The following NHEJ1 variants were observed in gnomAD, a reference collection of about 807,000 sequenced individuals.
NHEJ1 encodes the protein non-homologous end joining factor 1.
A neutral mutation model predicts 39.4 loss-of-function variants in NHEJ1; 22 were observed. The observed-to-expected ratio is 0.56, with a 90% CI of 0.40 to 0.80. The LOEUF is 0.80. Among genes scored for constraint, NHEJ1 ranks in the 30% least tolerant of loss-of-function variants. The probability of loss-of-function intolerance (pLI) is 0.00; values close to 1 mark genes in which losing one functional copy is unlikely to be tolerated. For synonymous variants in NHEJ1, 154 were observed against 135.6 expected, an observed-to-expected ratio of 1.14 and a Z score of -0.94; for missense variants, 329 against 357.1, an observed-to-expected ratio of 0.92 and a Z score of 0.63.
chr2:219,148,070 C>A (rs547713077), intron 3 of NHEJ1, among the ~76,000 whole-genome samples: 1 of 152,292 alleles, frequency 6.6e-6, no homozygotes, highest in Admixed American at 6.5e-5. Context: ...ACAAGCACGG[C>A]CAACATGGCC....
At chr2:219,089,068 C>T (rs1949137517) in intron 5 of NHEJ1, among the ~76,000 whole-genome samples, 1 of 152,184 alleles carries the variant, frequency 6.6e-6, no homozygotes, top group Non-Finnish European at 1.5e-5. Flanking sequence ...ATCCGCCCGC[C>T]TCAGCCTCCC....
At chr2:219,092,942 T>C (rs1299641736) in intron 5 of NHEJ1, among the ~76,000 whole-genome samples, 1 of 152,226 alleles carries the variant, frequency 6.6e-6, no homozygotes, top group Non-Finnish European at 1.5e-5. Flanking sequence ...CCTGTGCCTA[T>C]TCAGTAAAAC....
intron 5 of NHEJ1, among the ~76,000 whole-genome samples, chr2:219,100,240 C>T (rs144107855): frequency 6.6e-6 from 1 of 152,210 alleles, no homozygotes; most frequent in East Asian, 1.9e-4. Context: ...GTCGACCAAA[C>T]AGATACAAAT....
intron 5 of NHEJ1, chr2:219,095,357 T>C: frequency 4.2e-6 from 2 of 470,770 alleles, no homozygotes; most frequent in Non-Finnish European, 8.8e-6. Flanking sequence ...ATCTTTTAAC[T>C]GAGAGATGAT....
intron 3 of NHEJ1, among the ~76,000 whole-genome samples, chr2:219,151,659 T>C (rs769827001): frequency 3.1e-4 from 47 of 152,240 alleles, no homozygotes; most frequent in Admixed American, 5.9e-4. Flanking sequence ...AGTAGAAATT[T>C]TGAAAATATG....
At chr2:219,155,436 A>T (rs2106367492) in intron 3 of NHEJ1, among the ~76,000 whole-genome samples, 2 of 151,732 alleles carry the variant, frequency 1.3e-5, no homozygotes, top group Non-Finnish European at 2.9e-5. Context: ...TTATTTTTTT[A>T]ATTTTATTTT....
intron 4 of NHEJ1, 106 bp downstream of exon 4, chr2:219,147,551 T>A: frequency 7.2e-7 from 1 of 1,397,226 alleles, no homozygotes; most frequent in East Asian, 2.3e-5. Flanking sequence ...TCAGCACCCA[T>A]CCTGGGGGAG....
At chr2:219,084,813 A>G (rs1310161808) in intron 5 of NHEJ1, among the ~76,000 whole-genome samples, 3 of 152,186 alleles carry the variant, frequency 2.0e-5, no homozygotes, top group African/African-American at 7.2e-5. Flanking sequence ...CAAGAAGCCA[A>G]GGTTTCATCT....
At position 219,076,414 on chromosome 2, in the gene NHEJ1, G is replaced by A. The variant is rs543548047; in HGVS notation, c.867C>T (p.Val289=). 4 of 1,613,980 alleles carry A rather than the reference G, an allele frequency of 2.5e-6. No individual in the cohort carries two copies. The highest frequency in any genetic ancestry group is 3.4e-6 in the Non-Finnish European group (4 of 1,180,032). ...AGAGACCCCTTGGCTTCTTCCTCTT[G>A]ACCTTTGACAGCTGAGGTCTCTGCA... The part of the protein sequence containing the change: ...GPLQRPQLSK[V]KRKKPRGLFS The change falls in exon 8 of 8, where the codon GTC becomes GTT. Residue 289 remains valine (V), a synonymous_variant. Transcript: ENST00000356853.
At chr2:219,086,409 T>A (rs1285616657) in intron 5 of NHEJ1, among the ~76,000 whole-genome samples, 15 of 152,148 alleles carry the variant, frequency 9.9e-5, no homozygotes, top group Admixed American at 9.2e-4. Context: ...CATTTCTCCC[T>A]CCTATCTCCT....
rs573547812 is a variant in NHEJ1 at position 219,155,719 on chromosome 2, G to A, written c.390+1753C>T. On this transcript the variant is annotated intron_variant, in intron 3 of 7. Transcript: ENST00000356853. Reference sequence around the variant, plus strand: ...GAGCGGATCACGAGGTCAGGAAATCGAGACCATCCTGGCTAACACGATGAA... The same window carrying A: ...GAGCGGATCACGAGGTCAGGAAATCAAGACCATCCTGGCTAACACGATGAA... 1.7e-3 allele frequency among the ~76,000 whole-genome samples: 253 copies of A among 151,742 alleles called. 2 individuals carry two copies. Among genetic ancestry groups the A allele is most frequent in the African/African-American group, 5.9e-3 (243 of 41,370 alleles).
intron 5 of NHEJ1, among the ~76,000 whole-genome samples, chr2:219,107,479 G>A (rs1450172472): frequency 2.0e-5 from 3 of 152,206 alleles, no homozygotes; most frequent in African/African-American, 7.2e-5. Flanking sequence ...ACCCAGGGCA[G>A]ATGACAGGAA....
At chr2:219,151,317 C>T (rs1253437442) in intron 3 of NHEJ1, among the ~76,000 whole-genome samples, 2 of 152,082 alleles carry the variant, frequency 1.3e-5, no homozygotes, top group African/African-American at 2.4e-5. Context: ...AATTAATAAC[C>T]AGCTTCCCTC....
At chr2:219,101,707 G>T (rs1370320056) in intron 5 of NHEJ1, among the ~76,000 whole-genome samples, 3 of 138,852 alleles carry the variant, frequency 2.2e-5, no homozygotes, top group Admixed American at 1.4e-4. Flanking sequence ...CACCGCACCC[G>T]AACTACCTCA....
intron 5 of NHEJ1, among the ~76,000 whole-genome samples, chr2:219,103,556 G>A (rs374378082): frequency 2.6e-5 from 4 of 152,280 alleles, no homozygotes; most frequent in South Asian, 4.1e-4. Context: ...GATTACAGGC[G>A]TGAGCCACCA....
chr2:219,128,859 C>T (rs1480267731), intron 5 of NHEJ1, among the ~76,000 whole-genome samples: 1 of 152,226 alleles, frequency 6.6e-6, no homozygotes, highest in Non-Finnish European at 1.5e-5. Flanking sequence ...CAGCCTAGGT[C>T]ACCCTTCAAG....
At chr2:219,104,805 A>T (rs1949299792) in intron 5 of NHEJ1, among the ~76,000 whole-genome samples, 1 of 152,236 alleles carries the variant, frequency 6.6e-6, no homozygotes, top group East Asian at 1.9e-4. Context: ...AGATGTGGTG[A>T]ATATAAAATG....
chr2:219,148,295 T>C (rs1469337933), intron 3 of NHEJ1, among the ~76,000 whole-genome samples: 1 of 152,132 alleles, frequency 6.6e-6, no homozygotes. Flanking sequence ...GGCTCATGCC[T>C]GTAATCCCAG....
At chr2:219,135,994 G>C (rs58317767) in intron 5 of NHEJ1, among the ~76,000 whole-genome samples, 2,935 of 152,298 alleles carry the variant, frequency 0.019, 102 homozygotes, top group African/African-American at 0.067. Flanking sequence ...TCCAGGTCTA[G>C]ATACAGGGAC....
Sources: allele counts gnomAD v4.1 joint callset (sites outside exome capture counted in the v4.1 genomes callset), GRCh38; gene constraint gnomAD v4.1.1; transcripts MANE v1.5; gene names NCBI Gene and HGNC (gene_info 2026-07-23, HGNC 2026-07-21).